Variants in HSD17B2 observed in about 807,000 individuals in gnomAD.
HSD17B2 encodes hydroxysteroid 17-beta dehydrogenase 2, also known as 17-beta-hydroxysteroid dehydrogenase type 2.
Under a neutral mutation model 26.9 loss-of-function variants are expected in HSD17B2, and 32 were observed. That is an observed-to-expected ratio of 1.19 (90% CI 0.90 to 1.60). HSD17B2 has a LOEUF of 1.60. Among genes scored for constraint, HSD17B2 ranks in the 40% most tolerant of loss-of-function variants. HSD17B2 has a pLI of 0.00. For synonymous variants in HSD17B2, 246 were observed against 186.7 expected, an observed-to-expected ratio of 1.32 and a Z score of -2.59; for missense variants, 613 against 468.6, an observed-to-expected ratio of 1.31 and a Z score of -2.85.
chr16:82,075,908 TAA>T (rs58081050), intron 3 of HSD17B2, among the ~76,000 whole-genome samples: 1 of 134,694 alleles, frequency 7.4e-6, no homozygotes, highest in Admixed American at 7.5e-5. Flanking sequence ...AAATACATGT[TAA>T]AAAAAAAAAA....
chr16:82,035,715 A>T (rs775898237), intron 1 of HSD17B2, 26 bp downstream of exon 1: 1 of 1,606,858 alleles, frequency 6.2e-7, no homozygotes. Flanking sequence ...TACAATTTTC[A>T]CTGAGGGTAT....
At chr16:82,050,506 G>A (rs1020256036) in intron 1 of HSD17B2, among the ~76,000 whole-genome samples, 4 of 151,954 alleles carry the variant, frequency 2.6e-5, no homozygotes, top group African/African-American at 7.3e-5. Context: ...TCTTTAAGTT[G>A]TTCTCTGCAG....
chr16:82,067,851 T>C (rs1221983186), intron 1 of HSD17B2, among the ~76,000 whole-genome samples: 1 of 152,244 alleles, frequency 6.6e-6, no homozygotes, highest in Non-Finnish European at 1.5e-5. Flanking sequence ...TTCCATTGGA[T>C]GCCTTGGTTT....
chr16:82,065,321 AG>A (rs970846728), intron 1 of HSD17B2, among the ~76,000 whole-genome samples: 1 of 152,098 alleles, frequency 6.6e-6, no homozygotes. Flanking sequence ...CTCTCTAGAG[AG>A]CAGCAGATAC....
At chr16:82,061,677 G>A (rs1049741856) in intron 1 of HSD17B2, among the ~76,000 whole-genome samples, 1 of 152,132 alleles carries the variant, frequency 6.6e-6, no homozygotes, top group Non-Finnish European at 1.5e-5. Flanking sequence ...GTTAAAGAAC[G>A]ATATGTAGGA....
At chr16:82,054,363 G>C in intron 1 of HSD17B2, among the ~76,000 whole-genome samples, 1 of 148,752 alleles carries the variant, frequency 6.7e-6, no homozygotes, top group South Asian at 2.1e-4. Flanking sequence ...TTTTTTTTTT[G>C]GGACAGAGTC....
At chr16:82,090,594 C>G (rs1418252110) in intron 3 of HSD17B2, among the ~76,000 whole-genome samples, 1 of 152,114 alleles carries the variant, frequency 6.6e-6, no homozygotes, top group Non-Finnish European at 1.5e-5. Context: ...GTTGGGATTA[C>G]AGGCATAAGC....
intron 1 of HSD17B2, among the ~76,000 whole-genome samples, chr16:82,036,935 T>C (rs8191061): frequency 6.6e-4 from 100 of 152,298 alleles, no homozygotes; most frequent in Middle Eastern, 6.8e-3. Context: ...TATGAAACCT[T>C]AGGATGAGCT....
intron 3 of HSD17B2, among the ~76,000 whole-genome samples, chr16:82,085,879 A>C (rs1904513746): frequency 6.6e-6 from 1 of 152,166 alleles, no homozygotes; most frequent in Admixed American, 6.6e-5. Flanking sequence ...AACCTCAATA[A>C]GATAACATAC....
At chr16:82,041,939 A>G (rs1034969297) in intron 1 of HSD17B2, among the ~76,000 whole-genome samples, 1 of 151,610 alleles carries the variant, frequency 6.6e-6, no homozygotes, top group Non-Finnish European at 1.5e-5. Context: ...TAAATTTGGC[A>G]TGTTTTAAAA....
At chr16:82,092,040 T>G (rs1181640637) in intron 4 of HSD17B2, 7 of 152,196 alleles carry the variant, frequency 4.6e-5, no homozygotes, top group South Asian at 4.1e-4. Flanking sequence ...CAATTTTGAT[T>G]ATTTTCATTG....
chr16:82,038,241 A>C (rs1913670861), intron 1 of HSD17B2, among the ~76,000 whole-genome samples: 1 of 152,270 alleles, frequency 6.6e-6, no homozygotes, highest in African/African-American at 2.4e-5. Context: ...CAGTAAGAAA[A>C]AGTAAGCAAG....
chr16:82,087,732 T>C (rs934130122), intron 3 of HSD17B2, among the ~76,000 whole-genome samples: 1 of 152,180 alleles, frequency 6.6e-6, no homozygotes, highest in Non-Finnish European at 1.5e-5. Flanking sequence ...TGATTGGCTC[T>C]TGGTTCTAGA....
At chr16:82,045,614 A>G (rs940056193) in intron 1 of HSD17B2, among the ~76,000 whole-genome samples, 1 of 152,232 alleles carries the variant, frequency 6.6e-6, no homozygotes, top group African/African-American at 2.4e-5. Context: ...GCCATTCATT[A>G]ATGTGCCTCA....
chr16:82,049,668 C>A lies in HSD17B2; in HGVS notation c.265+13979C>A, dbSNP rs558846529. Among the ~76,000 whole-genome samples the A allele has an allele frequency of 2.0e-5, 3 of 152,312 alleles. No homozygotes were observed. In the South Asian group the frequency reaches 6.2e-4, roughly 32 times the overall value. On this transcript the variant is annotated intron_variant, in intron 1 of 4. Transcript: ENST00000199936. ...ATCAGGAGACTGACATTCCCATAAA[C>A]AAGAGAGTCTTGGAACAAAAGGTCT... is the stretch of plus-strand genomic sequence containing the variant.
intron 2 of HSD17B2, among the ~76,000 whole-genome samples, chr16:82,070,501 T>A (rs946834306): frequency 6.6e-6 from 1 of 152,208 alleles, no homozygotes; most frequent in Non-Finnish European, 1.5e-5. Context: ...CTAAAAACCT[T>A]TAGACATACA....
At chr16:82,038,476 A>G (rs528867451) in intron 1 of HSD17B2, among the ~76,000 whole-genome samples, 3 of 152,134 alleles carry the variant, frequency 2.0e-5, no homozygotes, top group Non-Finnish European at 4.4e-5. Flanking sequence ...CAGCCTCTCA[A>G]GTAGCTGGGA....
At chr16:82,046,215 G>A (rs1371585013) in intron 1 of HSD17B2, among the ~76,000 whole-genome samples, 3 of 152,108 alleles carry the variant, frequency 2.0e-5, no homozygotes, top group Non-Finnish European at 4.4e-5. Context: ...GCCTCATGAA[G>A]CTTAATTCTA....
chr16:82,052,252 C>G (rs377408678), intron 1 of HSD17B2: 1 of 152,190 alleles, frequency 6.6e-6, no homozygotes, highest in Admixed American at 6.5e-5. Flanking sequence ...TGGGCATTCT[C>G]GTTTGCCAAA....
Sources: gnomAD v4.1 joint callset for allele counts (sites outside exome capture counted in the v4.1 genomes callset) on GRCh38, gnomAD v4.1.1 for gene constraint, MANE v1.5 for transcripts, NCBI Gene and HGNC (gene_info 2026-07-23, HGNC 2026-07-21) for gene names.